PPP2R2B: variants seen among roughly 807,000 people sequenced by gnomAD.
PPP2R2B encodes protein phosphatase 2 regulatory subunit Bbeta.
In PPP2R2B, 5 loss-of-function variants were observed where a neutral mutation model predicts 46.0. The observed-to-expected ratio is 0.11, with a 90% CI of 0.06 to 0.23. PPP2R2B has a LOEUF of 0.23. Among genes scored for constraint, PPP2R2B ranks in the 10% least tolerant of loss-of-function variants. The pLI, the probability that PPP2R2B is intolerant of heterozygous loss-of-function variation, is 1.00. For missense variants in PPP2R2B, 367 were observed against 575.0 expected (o/e 0.64, Z 3.70); for synonymous variants, 215 against 206.7 (o/e 1.04, Z -0.34).
chr5:146,804,680 C>A (rs989857066), intron 2 of PPP2R2B, among the ~76,000 whole-genome samples: 5 of 152,098 alleles, frequency 3.3e-5, no homozygotes, highest in Non-Finnish European at 5.9e-5. Flanking sequence ...AGGATGGAGA[C>A]TGTGGATTTT....
At chr5:147,014,086 G>A in intron 1 of PPP2R2B, among the ~76,000 whole-genome samples, 2 of 120,824 alleles carry the variant, frequency 1.7e-5, no homozygotes, top group Admixed American at 8.5e-5. Flanking sequence ...GACATGAACA[G>A]ACACTTCTCA....
chr5:146,874,535 G>A (rs1272037628), intron 2 of PPP2R2B, among the ~76,000 whole-genome samples: 2 of 152,162 alleles, frequency 1.3e-5, no homozygotes, highest in African/African-American at 4.8e-5. Flanking sequence ...TGCTTTCTCT[G>A]CATCAAATAA....
intron 2 of PPP2R2B, among the ~76,000 whole-genome samples, chr5:147,070,109 A>G (rs1757542324): frequency 6.6e-6 from 1 of 151,964 alleles, no homozygotes; most frequent in Admixed American, 6.6e-5. Flanking sequence ...TCTTTATAGC[A>G]TATGTCATCA....
chr5:147,036,673 A>T (rs1336934058), intron 1 of PPP2R2B, among the ~76,000 whole-genome samples: 1 of 152,100 alleles, frequency 6.6e-6, no homozygotes, highest in Non-Finnish European at 1.5e-5. Flanking sequence ...CCTCACCAGA[A>T]TCTCTTGTAT....
intron 5 of PPP2R2B, among the ~76,000 whole-genome samples, chr5:146,685,604 A>C (rs1367585574): frequency 6.6e-6 from 1 of 152,222 alleles, no homozygotes; most frequent in Non-Finnish European, 1.5e-5. Flanking sequence ...CTCATTCAGG[A>C]GTCAGAGCTG....
intron 2 of PPP2R2B, among the ~76,000 whole-genome samples, chr5:147,067,548 G>A (rs1561610595): frequency 6.6e-6 from 1 of 152,140 alleles, no homozygotes. Context: ...GGATATCAGA[G>A]AGAGACTCTA....
At chr5:146,689,607 C>T (rs1778715785) in intron 5 of PPP2R2B, among the ~76,000 whole-genome samples, 1 of 152,132 alleles carries the variant, frequency 6.6e-6, no homozygotes, top group African/African-American at 2.4e-5. Context: ...AATATATTCC[C>T]ATCATTAAGT....
At chr5:146,951,113 G>A (rs1561537220) in intron 1 of PPP2R2B, among the ~76,000 whole-genome samples, 1 of 151,856 alleles carries the variant, frequency 6.6e-6, no homozygotes, top group Non-Finnish European at 1.5e-5. Flanking sequence ...TTCACTCCTG[G>A]AGATGAACTC....
intron 8 of PPP2R2B, among the ~76,000 whole-genome samples, chr5:146,598,582 C>T (rs1483371602): frequency 6.6e-6 from 1 of 152,186 alleles, no homozygotes; most frequent in African/African-American, 2.4e-5. Context: ...CAAAACCAAA[C>T]TTTCGATTTT....
chr5:146,986,703 T>C (rs1482624268), intron 1 of PPP2R2B, among the ~76,000 whole-genome samples: 3 of 151,854 alleles, frequency 2.0e-5, no homozygotes, highest in African/African-American at 2.4e-5. Context: ...TATTTGAAAA[T>C]ACACAGTCAG....
chr5:147,027,740 G>T (rs1755599037), intron 1 of PPP2R2B, among the ~76,000 whole-genome samples: 1 of 152,046 alleles, frequency 6.6e-6, no homozygotes, highest in Non-Finnish European at 1.5e-5. Flanking sequence ...CTTCACTGTG[G>T]TGATGATCAA....
At chr5:146,947,926 A>G (rs1764534949) in intron 1 of PPP2R2B, among the ~76,000 whole-genome samples, 2 of 151,596 alleles carry the variant, frequency 1.3e-5, no homozygotes, top group South Asian at 2.1e-4. Flanking sequence ...GTTCAACCCA[A>G]TCACCTTCTC....
chr5:146,981,603 C>T (rs12188535), intron 1 of PPP2R2B, among the ~76,000 whole-genome samples: 66,603 of 151,910 alleles, frequency 0.44, 17,382 homozygotes, highest in Middle Eastern at 0.6. Context: ...ATCCTTTTCC[C>T]AACTTATCTC....
At position 146,886,376 on chromosome 5, in the gene PPP2R2B, C is replaced by A. The variant is rs1351275618; in HGVS notation, c.79+169289G>T. ...ATAAATAAATAAATAAATAATAAAA[C>A]TAAAATAAAATAAAATAAATTTGGA... On this transcript the variant is annotated intron_variant, in intron 1 of 8. Coordinates refer to the PPP2R2B transcript ENST00000336640. 1.7e-4 allele frequency among the ~76,000 whole-genome samples: 14 copies of A among 81,466 alleles called. 1 individual carries two copies. In the East Asian group the frequency reaches 3.9e-3, roughly 23 times the overall value. 53.4% of individuals were successfully genotyped at this position (81,466 alleles called of 152,430 possible). A position where few individuals can be genotyped will look rare whatever the true frequency, so the allele number is the denominator to read the frequency against.
chr5:146,632,070 C>CCG (rs1554116688), intron 7 of PPP2R2B, among the ~76,000 whole-genome samples: 1 of 132,796 alleles, frequency 7.5e-6, no homozygotes, highest in Admixed American at 7.6e-5. Flanking sequence ...TGCCCCCCCC[C>CCG]CCGCCCATTC....
chr5:146,634,952 T>G (rs1028054177), intron 7 of PPP2R2B, among the ~76,000 whole-genome samples: 1 of 152,184 alleles, frequency 6.6e-6, no homozygotes, highest in Non-Finnish European at 1.5e-5. Flanking sequence ...TAATGAGGCC[T>G]CCTATATCTG....
In PPP2R2B at chr5:146,621,074, C is replaced by T. The variant is rs1041040108; in HGVS notation, c.790+17177G>A. Among the ~76,000 whole-genome samples, 13 of 152,366 alleles carry T rather than the reference C, an allele frequency of 8.5e-5. No homozygotes were observed. In the East Asian group the frequency reaches 1.4e-3, roughly 16 times the overall value. ...AAGGTGAGCAGTTCACAGCTGAGTA[C>T]GACAGCCCATCTTGGCATGGGCCAA... is the stretch of plus-strand genomic sequence containing the variant. On this transcript the variant is annotated intron_variant, in intron 7 of 9. Coordinates refer to ENST00000394411, the MANE Select transcript of PPP2R2B (RefSeq NM_181675.4).
chr5:146,913,151 T>C (rs182852957), intron 1 of PPP2R2B, among the ~76,000 whole-genome samples: 3 of 152,330 alleles, frequency 2.0e-5, no homozygotes, highest in Admixed American at 6.5e-5. Context: ...TCGGCGGAAA[T>C]AGTCTATTTC....
At chr5:146,970,400 A>G (rs1752613455) in intron 1 of PPP2R2B, among the ~76,000 whole-genome samples, 1 of 152,040 alleles carries the variant, frequency 6.6e-6, no homozygotes, top group African/African-American at 2.4e-5. Context: ...CAAGAGTTCG[A>G]GAATAGCCAG....
Sources: gnomAD v4.1 joint callset for allele counts (sites outside exome capture counted in the v4.1 genomes callset) on GRCh38, gnomAD v4.1.1 for gene constraint, MANE v1.5 for transcripts, NCBI Gene and HGNC (gene_info 2026-07-23, HGNC 2026-07-21) for gene names.